The following AMD1 variants were observed in gnomAD, a reference collection of about 807,000 sequenced individuals.
AMD1 encodes the protein adenosylmethionine decarboxylase 1, also known as S-adenosylmethionine decarboxylase proenzyme.
Under a neutral mutation model 40.2 loss-of-function variants are expected in AMD1, and 11 were observed. The observed-to-expected ratio is 0.27, with a 90% CI of 0.17 to 0.45. The LOEUF (loss-of-function observed/expected upper bound fraction) is 0.45, where lower values mean the gene tolerates loss of function less well. AMD1 is among the 20% of genes least tolerant of loss of function. The pLI is 1.00. For synonymous variants in AMD1, 121 were observed against 130.8 expected, an observed-to-expected ratio of 0.93 and a Z score of 0.51; for missense variants, 257 against 410.2, an observed-to-expected ratio of 0.63 and a Z score of 3.23.
chr6:110,878,352 A>G (rs555130865), intron 1 of AMD1, among the ~76,000 whole-genome samples: 1 of 152,336 alleles, frequency 6.6e-6, no homozygotes, highest in East Asian at 1.9e-4. Context: ...AATGCTTGGA[A>G]TCTTTTCTGA....
At chr6:110,826,688 CT>C in the AMD1 span, among the ~76,000 whole-genome samples, 35,550 of 130,994 alleles carry the variant, frequency 0.27, 4,054 homozygotes, top group East Asian at 0.58. Flanking sequence ...TCTTTTCTTT[CT>C]TTTTTTTTTT....
the AMD1 span, among the ~76,000 whole-genome samples, chr6:110,818,957 G>A: frequency 3.3e-5 from 5 of 152,218 alleles, no homozygotes; most frequent in African/African-American, 1.2e-4. Flanking sequence ...GAGCTAAGGA[G>A]AACTATAATC....
At chr6:110,850,180 C>G in the AMD1 span, among the ~76,000 whole-genome samples, 1 of 151,998 alleles carries the variant, frequency 6.6e-6, no homozygotes, top group East Asian at 1.9e-4. Flanking sequence ...AAAAAAAGAA[C>G]TGATTTCCTG....
upstream of AMD1, among the ~76,000 whole-genome samples, chr6:110,874,066 T>C (rs945408309): frequency 6.6e-6 from 1 of 152,238 alleles, no homozygotes; most frequent in Non-Finnish European, 1.5e-5. Context: ...TTCGGAGGCA[T>C]GGCGAGCCAC....
chr6:110,839,842 C>G, the AMD1 span, among the ~76,000 whole-genome samples: 1 of 151,958 alleles, frequency 6.6e-6, no homozygotes, highest in Non-Finnish European at 1.5e-5. Flanking sequence ...TGTTCTTTAT[C>G]AAGGAGGCTA....
chr6:110,837,676 A>T, the AMD1 span, among the ~76,000 whole-genome samples: 1 of 130,032 alleles, frequency 7.7e-6, no homozygotes, highest in Non-Finnish European at 1.6e-5. Context: ...GTGACATTGC[A>T]CTCCAGCCGT....
intron 4 of AMD1, 28 bp downstream of exon 4, chr6:110,890,384 TGTC>T (rs775555558): frequency 4.1e-5 from 61 of 1,498,284 alleles, no homozygotes; most frequent in Non-Finnish European, 5.2e-5. Flanking sequence ...ATAAACCTGT[TGTC>T]TTCTTAAAGA....
chr6:110,855,324 C>T, the AMD1 span, among the ~76,000 whole-genome samples: 3 of 152,000 alleles, frequency 2.0e-5, no homozygotes, highest in South Asian at 6.2e-4. Flanking sequence ...GGTTAGGAAC[C>T]TGCAACCAGG....
chr6:110,860,248 G>C, the AMD1 span, among the ~76,000 whole-genome samples: 122 of 152,090 alleles, frequency 8.0e-4, no homozygotes, highest in African/African-American at 2.7e-3. Context: ...CCCCACCCAG[G>C]GGCCCTACCC....
intron 8 of AMD1, 78 bp from the exon 9 acceptor site, chr6:110,893,398 G>C: frequency 6.4e-7 from 1 of 1,559,338 alleles, no homozygotes; most frequent in East Asian, 2.2e-5. Context: ...TAAGATAAAA[G>C]TCTGTCACTT....
rs372666370 is a variant in AMD1, at chr6:110,893,068, A to G, written c.864+3A>G. ...TGACCACCTTGTTTGTTAATCAGGT[A>G]ATTTTATATTTTATTATTAATCAGG... On this transcript the variant is annotated splice_donor_region_variant and intron_variant, in intron 8 of 8. Transcript: ENST00000368885. The G allele has an allele frequency of 3.2e-5, 51 of 1,588,236 alleles. No individual in the cohort carries two copies. The African/African-American group carries it at 5.6e-4, about 17-fold the overall frequency.
At chr6:110,853,596 C>T in the AMD1 span, among the ~76,000 whole-genome samples, 3 of 152,020 alleles carry the variant, frequency 2.0e-5, no homozygotes, top group African/African-American at 7.2e-5. Flanking sequence ...CGTGAGCCAC[C>T]GCACCTGGCC....
In AMD1 at chr6:110,887,379, A is replaced by T. The variant is rs538923494; in HGVS notation, c.111-126A>T. On this transcript the variant is annotated intron_variant, in intron 1 of 8. Coordinates refer to ENST00000368885, the MANE Select transcript of AMD1 (RefSeq NM_001634.6). ...GTCAATATAGATTATTTTGAAAGAA[A>T]CTAAAAGTTGGTGTACAATATTAAT... 4.3e-5 allele frequency: 25 copies of T among 578,320 alleles called. No homozygotes were observed. In the African/African-American group the frequency reaches 4.8e-4, roughly 11 times the overall value. 35.8% of individuals were successfully genotyped at this position (578,320 alleles called of 1,614,324 possible). A position where few individuals can be genotyped will look rare whatever the true frequency, so the allele number is the denominator to read the frequency against.
chr6:110,874,572 A>G (rs1429368244), upstream of AMD1, among the ~76,000 whole-genome samples: 1 of 151,344 alleles, frequency 6.6e-6, no homozygotes, highest in African/African-American at 2.4e-5. Context: ...CACAGCACCA[A>G]CTCCCACTCA....
intron 2 of AMD1, 59 bp from the exon 3 acceptor site, chr6:110,888,798 A>AT: frequency 6.6e-7 from 1 of 1,516,386 alleles, no homozygotes; most frequent in Non-Finnish European, 8.9e-7. Flanking sequence ...AAATTGGTTG[A>AT]TTGCACCCTC....
chr6:110,829,344 C>A, the AMD1 span, among the ~76,000 whole-genome samples: 1 of 146,186 alleles, frequency 6.8e-6, no homozygotes, highest in East Asian at 2.0e-4. Context: ...ACAGCCTGGG[C>A]AACATGACAA....
In AMD1 at chr6:110,895,348, A is replaced by G. The variant is rs1446006938; in HGVS notation, c.*1732A>G. The stretch of plus-strand genomic sequence containing the variant: ...GATTCTGTAATGAGCACAGCACCTA[A>G]TATTTTGAGGAGCTCTGTTTTGAGG... On this transcript the variant is annotated 3_prime_UTR_variant, in exon 9 of 9. Transcript: ENST00000368885. 6.6e-6 allele frequency: 1 copy of G among 152,196 alleles called. No individual in the cohort carries two copies. Among genetic ancestry groups the G allele is most frequent in the African/African-American group, 2.4e-5 (1 of 41,456 alleles). 9.4% of individuals were successfully genotyped at this position (152,196 alleles called of 1,614,324 possible).
the AMD1 span, among the ~76,000 whole-genome samples, chr6:110,851,544 C>A: frequency 6.6e-6 from 1 of 152,092 alleles, no homozygotes; most frequent in African/African-American, 2.4e-5. Context: ...CCCACGGCAA[C>A]CTCCACCTCC....
At chr6:110,836,429 T>C in the AMD1 span, among the ~76,000 whole-genome samples, 1 of 152,152 alleles carries the variant, frequency 6.6e-6, no homozygotes, top group African/African-American at 2.4e-5. Flanking sequence ...TTCATTTATA[T>C]TGTGAAGTTA....
Sources: gnomAD v4.1 joint callset for allele counts (sites outside exome capture counted in the v4.1 genomes callset) on GRCh38, gnomAD v4.1.1 for gene constraint, MANE v1.5 for transcripts, NCBI Gene and HGNC (gene_info 2026-07-23, HGNC 2026-07-21) for gene names.